Variants in FANCC observed in about 807,000 individuals in gnomAD.
FANCC encodes Fanconi anemia group C protein.
A neutral mutation model predicts 71.3 loss-of-function variants in FANCC; 55 were observed. The ratio of observed to expected loss-of-function variants is 0.77; its 90% CI spans 0.62 to 0.97. The LOEUF (loss-of-function observed/expected upper bound fraction) is 0.97. Among genes scored for constraint, FANCC ranks in the 50% least tolerant of loss-of-function variants. The probability of loss-of-function intolerance (pLI) is 0.00; values close to 1 mark genes in which losing one functional copy is unlikely to be tolerated. For missense variants in FANCC, 678 were observed against 670.9 expected, an observed-to-expected ratio of 1.01 and a Z score of -0.12; for synonymous variants, 275 against 244.9, an observed-to-expected ratio of 1.12 and a Z score of -1.15.
intron 6 of FANCC, among the ~76,000 whole-genome samples, chr9:95,153,254 G>A (rs1830279930): frequency 6.6e-6 from 1 of 152,104 alleles, no homozygotes; most frequent in Non-Finnish European, 1.5e-5. Flanking sequence ...TTGGTGGATG[G>A]GCACTTATGT....
intron 1 of FANCC, among the ~76,000 whole-genome samples, chr9:95,287,946 T>C (rs1833781128): frequency 6.6e-6 from 1 of 152,104 alleles, no homozygotes; most frequent in African/African-American, 2.4e-5. Context: ...ACCACTGCCA[T>C]ATGGTAGTAA....
chr9:95,110,981 A>C (rs567746884), intron 13 of FANCC: 1 of 1,416,798 alleles, frequency 7.1e-7, no homozygotes, highest in African/African-American at 1.4e-5. Context: ...TAAGAGATGT[A>C]AATAAAGCCA....
intron 6 of FANCC, among the ~76,000 whole-genome samples, chr9:95,154,071 C>G (rs1195022535): frequency 1.3e-5 from 2 of 151,724 alleles, no homozygotes; most frequent in East Asian, 1.9e-4. Context: ...TATGGTGAAA[C>G]CCCATCTCTA....
chr9:95,229,721 G>C (rs568631277), intron 4 of FANCC, among the ~76,000 whole-genome samples: 1 of 151,952 alleles, frequency 6.6e-6, no homozygotes, highest in Non-Finnish European at 1.5e-5. Context: ...GGAAAGGTTC[G>C]ACCTGGAGAT....
At chr9:95,195,612 A>G (rs1461910042) in intron 4 of FANCC, among the ~76,000 whole-genome samples, 1 of 152,210 alleles carries the variant, frequency 6.6e-6, no homozygotes, top group Non-Finnish European at 1.5e-5. Flanking sequence ...GCTTTTCCCT[A>G]TAAATTCTAG....
rs1939347877 is a variant in FANCC at position 95,100,975 on chromosome 9, C to G, written c.*732G>C. On this transcript the variant is annotated 3_prime_UTR_variant, in exon 15 of 15. Transcript: ENST00000289081. ...ATTTCCAATTCCCATTTCCATTTAA[C>G]AAGAGAACTAACTAACTGAATTAAT... 8.6e-6 allele frequency: 2 copies of G among 232,374 alleles called. No homozygotes were observed. Among genetic ancestry groups the G allele is most frequent in the Non-Finnish European group, 1.7e-5 (2 of 118,112 alleles). The allele number at this position is 232,374 out of a possible 1,614,324, so 14.4% of individuals were successfully genotyped here. A position where few individuals can be genotyped will look rare whatever the true frequency, so the allele number is the denominator to read the frequency against.
At chr9:95,169,527 T>C (rs979541441) in intron 6 of FANCC, among the ~76,000 whole-genome samples, 1 of 152,174 alleles carries the variant, frequency 6.6e-6, no homozygotes, top group South Asian at 2.1e-4. Context: ...AGTGAGAATG[T>C]TGGATGCACA....
At chr9:95,132,109 C>T (rs1423709018) in intron 8 of FANCC, among the ~76,000 whole-genome samples, 1 of 152,306 alleles carries the variant, frequency 6.6e-6, no homozygotes, top group African/African-American at 2.4e-5. Context: ...CTTTTGGGGA[C>T]AAGTCTGCCT....
At chr9:95,245,557 G>GT (rs1830912468) in intron 3 of FANCC, among the ~76,000 whole-genome samples, 2 of 151,568 alleles carry the variant, frequency 1.3e-5, no homozygotes, top group South Asian at 4.2e-4. Context: ...TAGAAGTTAT[G>GT]TACTACACTA....
intron 8 of FANCC, among the ~76,000 whole-genome samples, chr9:95,134,326 G>C (rs756560089): frequency 6.6e-6 from 1 of 152,184 alleles, no homozygotes; most frequent in Non-Finnish European, 1.5e-5. Flanking sequence ...GGAGGTAGGG[G>C]TTCTATGAGC....
At chr9:95,245,549 G>C (rs1476108567) in intron 3 of FANCC, among the ~76,000 whole-genome samples, 2 of 151,502 alleles carry the variant, frequency 1.3e-5, no homozygotes, top group Non-Finnish European at 3.0e-5. Flanking sequence ...TAGTGTAATA[G>C]AAGTTATGTA....
chr9:95,205,525 C>G (rs1040115612), intron 4 of FANCC, among the ~76,000 whole-genome samples: 17 of 151,286 alleles, frequency 1.1e-4, no homozygotes, highest in African/African-American at 3.9e-4. Flanking sequence ...ATTAACTGTT[C>G]TTTATTAAAA....
intron 4 of FANCC, among the ~76,000 whole-genome samples, chr9:95,189,092 A>C (rs531246915): frequency 4.0e-4 from 61 of 152,346 alleles, no homozygotes; most frequent in African/African-American, 1.1e-3. Context: ...AAAATGGAAC[A>C]AATTTATTCC....
chr9:95,265,636 G>C (rs756142566), intron 1 of FANCC, among the ~76,000 whole-genome samples: 9 of 152,174 alleles, frequency 5.9e-5, no homozygotes, highest in Non-Finnish European at 1.2e-4. Flanking sequence ...CAGTTAGAAA[G>C]TGAGCTGAGG....
Position 95,101,115 on chromosome 9 carries a change from A to T in FANCC, c.*592T>A, listed in dbSNP as rs969036292. On this transcript the variant is annotated 3_prime_UTR_variant, in exon 15 of 15. Transcript: ENST00000289081. ...CATTTAGCAAATACAGAGTGGAAAG[A>T]GTGTGCCGGAGGCCCGGGCTTGGGT... 4.2e-6 allele frequency: 1 copy of T among 240,788 alleles called. No individual in the cohort carries two copies. The highest frequency in any genetic ancestry group is 8.2e-6 in the Non-Finnish European group (1 of 122,052). The allele number at this position is 240,788 out of a possible 1,614,324, so 14.9% of individuals were successfully genotyped here. A position where few individuals can be genotyped will look rare whatever the true frequency, so the allele number is the denominator to read the frequency against.
chr9:95,178,715 A>G (rs1826165745), intron 4 of FANCC, among the ~76,000 whole-genome samples: 1 of 152,272 alleles, frequency 6.6e-6, no homozygotes, highest in Non-Finnish European at 1.5e-5. Flanking sequence ...CAACACACGG[A>G]CACAGCACCC....
intron 10 of FANCC, among the ~76,000 whole-genome samples, chr9:95,118,363 G>A (rs1293293530): frequency 1.3e-5 from 2 of 152,226 alleles, no homozygotes; most frequent in East Asian, 1.9e-4. Flanking sequence ...AACTGTGCTC[G>A]CATTTCGAGG....
intron 4 of FANCC, among the ~76,000 whole-genome samples, chr9:95,182,415 G>A (rs1348555164): frequency 6.6e-6 from 1 of 152,188 alleles, no homozygotes. Flanking sequence ...AGCTACTCGG[G>A]AGGCCAAGGC....
intron 3 of FANCC, among the ~76,000 whole-genome samples, chr9:95,242,495 A>G (rs1564787944): frequency 6.6e-6 from 1 of 151,648 alleles, no homozygotes; most frequent in Admixed American, 6.6e-5. Flanking sequence ...AAAAAAAAAA[A>G]AAAAAGAAAG....
Sources: allele counts gnomAD v4.1 joint callset (sites outside exome capture counted in the v4.1 genomes callset), GRCh38; gene constraint gnomAD v4.1.1; transcripts MANE v1.5; gene names NCBI Gene and HGNC (gene_info 2026-07-23, HGNC 2026-07-21).